Variants in OXA1L observed in about 807,000 individuals in gnomAD.
The protein encoded by OXA1L is mitochondrial inner membrane protein OXA1L.
A neutral mutation model predicts 52.2 loss-of-function variants in OXA1L; 42 were observed. That is an observed-to-expected ratio of 0.80 (90% CI 0.63 to 1.04). The LOEUF (loss-of-function observed/expected upper bound fraction) is 1.04, where lower values mean the gene tolerates loss of function less well. OXA1L is among the 50% of genes least tolerant of loss of function. The pLI, the probability that OXA1L is intolerant of heterozygous loss-of-function variation, is 0.00. For synonymous variants in OXA1L, 239 were observed against 201.9 expected (o/e 1.18, Z -1.56); for missense variants, 572 against 555.0 (o/e 1.03, Z -0.31).
Position 22,770,208 on chromosome 14 carries a change from C to T in OXA1L, c.599C>T (p.Ser200Leu), listed in dbSNP as rs752440512. The change falls in exon 5 of 10, where the codon TCG (serine) becomes TTG (leucine). Residue 200 changes from serine to leucine, a missense_variant. Physicochemically the swap from Ser to Leu is moderately radical, Grantham distance 145 (BLOSUM62 -2). This residue lies in a region of OXA1L where 132 missense variants were observed against 124.0 expected (regional missense o/e 1.06). Transcript: ENST00000612549. ...CACCTCACAGATTACAAGGCTTCCT[C>T]GGAGATGGCACTTTACCAGAAAAAA... is the stretch of plus-strand genomic sequence containing the variant. Reference protein sequence around the residue: ...GDHIEYYKASSEMALYQKKHG... With the variant: ...GDHIEYYKASLEMALYQKKHG... 5.0e-6 allele frequency: 8 copies of T among 1,610,572 alleles called. No individual in the cohort carries two copies. The highest frequency in any genetic ancestry group is 5.1e-6 in the Non-Finnish European group (6 of 1,176,816).
chr14:22,770,281 G>A lies in OXA1L; in HGVS notation c.669+3G>A. 1 of 1,596,472 alleles carries A rather than the reference G, an allele frequency of 6.3e-7. No homozygotes were observed. The highest frequency in any genetic ancestry group is 1.7e-5 in the Admixed American group (1 of 59,956). Reference sequence around the variant, plus strand: ...CTCTCATTCTCCCTGTGACTCAGGTGAGCAAAAACATTTCCTTCCTTATTT... The same window carrying A: ...CTCTCATTCTCCCTGTGACTCAGGTAAGCAAAAACATTTCCTTCCTTATTT... On this transcript the variant is annotated splice_donor_region_variant and intron_variant, in intron 5 of 9. Transcript: ENST00000612549.
chr14:22,767,069 C>G (rs773025955), intron 1 of OXA1L, 179 bp from the exon 2 acceptor site: 6 of 1,536,506 alleles, frequency 3.9e-6, no homozygotes, highest in Non-Finnish European at 5.2e-6. Flanking sequence ...CTTCGCTCTG[C>G]AGGCACCACC....
chr14:22,771,877 A>G lies in OXA1L; in HGVS notation c.*319A>G, dbSNP rs1271229294. On this transcript the variant is annotated 3_prime_UTR_variant, in exon 10 of 10. Coordinates refer to ENST00000612549, the MANE Select transcript of OXA1L (RefSeq NM_005015.5). ...CATTTTGGGAGGCCGAGGTGGGTGG[A>G]TCACCTGAGATCAGGAGTTTGAGAC... 1 of 256,726 alleles carries G rather than the reference A, an allele frequency of 3.9e-6. No homozygotes were observed. The highest frequency in any genetic ancestry group is 9.0e-5 in the East Asian group (1 of 11,058). 15.9% of individuals were successfully genotyped at this position (256,726 alleles called of 1,614,324 possible).
At chr14:22,767,172 T>C in intron 1 of OXA1L, 76 bp from the exon 2 acceptor site, 1 of 1,557,774 alleles carries the variant, frequency 6.4e-7, no homozygotes, top group Non-Finnish European at 8.7e-7. Flanking sequence ...GGAGTTAGCA[T>C]AATGAATCCC....
intron 1 of OXA1L, 49 bp from the exon 2 acceptor site, chr14:22,767,199 G>A: frequency 1.3e-6 from 2 of 1,574,484 alleles, no homozygotes; most frequent in East Asian, 4.5e-5. Context: ...ACCCACGCGA[G>A]GACTTCTGCT....
chr14:22,770,458 T>C lies in OXA1L; in HGVS notation c.670-3T>C. The stretch of plus-strand genomic sequence containing the variant: ...TGCTGACACTGTTTATCTTGTGTAA[T>C]AGGCCCCAATCTTCATCTCCTTCTT... On this transcript the variant is annotated splice_region_variant and splice_polypyrimidine_tract_variant and intron_variant, in intron 5 of 9. Coordinates refer to ENST00000612549, the MANE Select transcript of OXA1L (RefSeq NM_005015.5). 2 of 1,612,510 alleles carry C rather than the reference T, an allele frequency of 1.2e-6. No homozygotes were observed. Among genetic ancestry groups the C allele is most frequent in the South Asian group, 1.1e-5 (1 of 91,054 alleles).
Position 22,770,859 on chromosome 14 carries a change from A to G in OXA1L, c.889A>G (p.Ile297Val), listed in dbSNP as rs2038452671. 6.2e-7 allele frequency: 1 copy of G among 1,614,074 alleles called. No individual in the cohort carries two copies. Among genetic ancestry groups the G allele is most frequent in the South Asian group, 1.1e-5 (1 of 91,094 alleles). Reference sequence around the variant, plus strand: ...TGACCTTCAGTGGATGAGAAATGTCATCAGAATGATGCCCCTGATAACCTT... The same window carrying G: ...TGACCTTCAGTGGATGAGAAATGTCGTCAGAATGATGCCCCTGATAACCTT... Reference protein sequence around the residue: ...SSDLQWMRNVIRMMPLITLPI... With the variant: ...SSDLQWMRNVVRMMPLITLPI... Residue 297 changes from isoleucine (I) to valine (V), a missense_variant, in exon 7 of 10, where the codon ATC becomes GTC. Ile to Val is a conservative substitution (Grantham distance 29). Coordinates refer to ENST00000612549, the MANE Select transcript of OXA1L (RefSeq NM_005015.5).
chr14:22,769,417 C>T (rs2038438498), intron 3 of OXA1L, among the ~76,000 whole-genome samples: 1 of 152,210 alleles, frequency 6.6e-6, no homozygotes, highest in African/African-American at 2.4e-5. Context: ...TAAAAGACTG[C>T]TCTGCATCCA....
Position 22,766,743 on chromosome 14 carries a change from C to G in OXA1L, c.42C>G (p.Arg14=), listed in dbSNP as rs374723068. Residue 14 remains arginine, a synonymous_variant, in exon 1 of 10, where the codon CGC becomes CGG. Transcript: ENST00000612549. ...GLMCGRRELL[R]LLQSGRRVHS... is the part of the protein sequence containing the mutation. ...TGTGCGGACGCCGGGAGCTTCTGCGCTTGCTACAGTCCGGGCGTCGGGTAA... is the reference window on the plus strand; with the variant it reads ...TGTGCGGACGCCGGGAGCTTCTGCGGTTGCTACAGTCCGGGCGTCGGGTAA... The G allele has an allele frequency of 8.7e-6, 14 of 1,614,146 alleles. No homozygotes were observed. Among genetic ancestry groups the G allele is most frequent in the Admixed American group, 1.7e-5 (1 of 60,016 alleles).
Position 22,770,013 on chromosome 14 carries a change from T to C in OXA1L, c.583+79T>C, listed in dbSNP as rs1465545646. 4 of 1,562,706 alleles carry C rather than the reference T, an allele frequency of 2.6e-6. No individual in the cohort carries two copies. In the African/African-American group the frequency reaches 4.1e-5, roughly 16 times the overall value. ...ACATTCTGCTGGGGGAAAGGAACAATGTAAATCAGAAGTTGCCACAGTCGG... is the reference window on the plus strand; with the variant it reads ...ACATTCTGCTGGGGGAAAGGAACAACGTAAATCAGAAGTTGCCACAGTCGG... On this transcript the variant is annotated intron_variant, in intron 4 of 9. Transcript: ENST00000612549.
chr14:22,767,244 T>C lies in OXA1L; in HGVS notation c.64-4T>C, dbSNP rs1285735274. The C allele has an allele frequency of 5.6e-6, 9 of 1,603,282 alleles. No homozygotes were observed. The highest frequency in any genetic ancestry group is 7.7e-6 in the Non-Finnish European group (9 of 1,176,002). ...GGGGCTCCATCATCCTTTTACACGC[T>C]CAGGTCCACAGCGTCGCAGGGCCCT... On this transcript the variant is annotated splice_region_variant and splice_polypyrimidine_tract_variant and intron_variant, in intron 1 of 9. Transcript: ENST00000612549.
rs1412382444 is a variant in OXA1L, at chr14:22,772,459, A to C, written c.*901A>C. 10 of 130,672 alleles carry C rather than the reference A, an allele frequency of 7.7e-5. No individual in the cohort carries two copies. The highest frequency in any genetic ancestry group is 5.1e-4 in the East Asian group (2 of 3,904). The allele number at this position is 130,672 out of a possible 1,614,324, so 8.1% of individuals were successfully genotyped here. The stretch of plus-strand genomic sequence containing the variant: ...AGCCGAGATTGCGCCACTGCACTCC[A>C]GCCTGGGCAAGAGAGTGAGACTCCT... On this transcript the variant is annotated 3_prime_UTR_variant, in exon 10 of 10. Coordinates refer to ENST00000612549, the MANE Select transcript of OXA1L (RefSeq NM_005015.5).
At chr14:22,769,461 C>T (rs563506350) in intron 3 of OXA1L, among the ~76,000 whole-genome samples, 19 of 152,314 alleles carry the variant, frequency 1.2e-4, no homozygotes, top group South Asian at 4.1e-4. Context: ...CTCCCTCAGC[C>T]GTCTGGCTTT....
rs540038236 is a variant in OXA1L, at chr14:22,767,701, A to G, written c.226-257A>G. 37 of 495,488 alleles carry G rather than the reference A, an allele frequency of 7.5e-5. No homozygotes were observed. In the East Asian group the frequency reaches 1.1e-3, roughly 15 times the overall value. 30.7% of individuals were successfully genotyped at this position (495,488 alleles called of 1,614,324 possible). A position where few individuals can be genotyped will look rare whatever the true frequency, so the allele number is the denominator to read the frequency against. On this transcript the variant is annotated intron_variant, in intron 2 of 9. Transcript: ENST00000612549. ...ATGATAGTGATATTCAAATGGCTGA[A>G]GTTTGGAAAACAGTGATAAAAGAAA...
intron 3 of OXA1L, 86 bp from the exon 4 acceptor site, chr14:22,769,705 C>A: frequency 7.2e-7 from 1 of 1,389,144 alleles, no homozygotes; most frequent in Non-Finnish European, 1.0e-6. Context: ...AAGAATAAGA[C>A]CCTTTCAGTA....
Position 22,772,507 on chromosome 14 carries a change from AAAAAAAAAAAAACAG to A in OXA1L, c.*950_*964del. ...CCTTCTCAAAAAAAAAAAAAAAAAA[AAAAAAAAAAAAACAG>A]TTTAAACTTCCAACCCATGCATGTG... is the stretch of plus-strand genomic sequence containing the variant. On this transcript the variant is annotated 3_prime_UTR_variant, in exon 10 of 10. Coordinates refer to ENST00000612549, the MANE Select transcript of OXA1L (RefSeq NM_005015.5). 1 of 103,806 alleles carries A rather than the reference AAAAAAAAAAAAACAG, an allele frequency of 9.6e-6. No homozygotes were observed. The allele number at this position is 103,806 out of a possible 1,614,324, so 6.4% of individuals were successfully genotyped here.
rs1439458810 is a variant in OXA1L at position 22,771,046 on chromosome 14, A to G, written c.968A>G (p.Asn323Ser). The G allele has an allele frequency of 3.1e-6, 5 of 1,613,882 alleles. No homozygotes were observed. Among genetic ancestry groups the G allele is most frequent in the South Asian group, 2.2e-5 (2 of 91,078 alleles). Residue 323 changes from asparagine to serine, a missense_variant, in exon 8 of 10, where the codon AAT (asparagine) becomes AGT (serine). Physicochemically the swap from Asn to Ser is conservative, Grantham distance 46 (BLOSUM62 1). This residue lies in a region of OXA1L where 244 missense variants were observed against 240.2 expected (regional missense o/e 1.02). Transcript: ENST00000612549. ...GTGTTTATGTACTGGCTCTCCTCCAATTTGTTTTCCCTGGTCCAAGTATCC... is the reference window on the plus strand; with the variant it reads ...GTGTTTATGTACTGGCTCTCCTCCAGTTTGTTTTCCCTGGTCCAAGTATCC... ...TAVFMYWLSSNLFSLVQVSCL... is the reference protein window; with the variant it reads ...TAVFMYWLSSSLFSLVQVSCL...
chr14:22,771,305 G>T lies in OXA1L; in HGVS notation c.1140G>T (p.Glu380Asp). The stretch of plus-strand genomic sequence containing the variant: ...CTGAAATGACGCGTCAGCTGCGAGA[G>T]CGTGAACAACGCATGCGGAATCAGT... ...KNAEMTRQLR[E>D]REQRMRNQLE... The change falls in exon 9 of 10, where the codon GAG becomes GAT. Residue 380 changes from glutamate (E) to aspartate (D), a missense_variant. By Grantham distance (45) the Glu-to-Asp change is conservative. Transcript: ENST00000612549. 1 of 1,614,236 alleles carries T rather than the reference G, an allele frequency of 6.2e-7. No homozygotes were observed. Among genetic ancestry groups the T allele is most frequent in the Non-Finnish European group, 8.5e-7 (1 of 1,180,028 alleles).
chr14:22,770,404 G>A, intron 5 of OXA1L, 57 bp from the exon 6 acceptor site: 3 of 1,589,106 alleles, frequency 1.9e-6, no homozygotes, highest in Non-Finnish European at 2.6e-6. Context: ...CAGTAGTGGG[G>A]TGATGAAAAT....
Sources: allele counts gnomAD v4.1 joint callset (sites outside exome capture counted in the v4.1 genomes callset), GRCh38; gene constraint gnomAD v4.1.1; regional missense constraint gnomAD v4.1.1; transcripts MANE v1.5; gene names NCBI Gene and HGNC (gene_info 2026-07-23, HGNC 2026-07-21).